The following CSTF3 variants were observed in gnomAD, a reference collection of about 807,000 sequenced individuals.
CSTF3 encodes the protein cleavage stimulation factor subunit 3.
In CSTF3, 29 loss-of-function variants were observed where a neutral mutation model predicts 105.8. That is an observed-to-expected ratio of 0.27 (90% CI 0.20 to 0.37). CSTF3 has a LOEUF of 0.37. Ranked by LOEUF, CSTF3 falls within the 10% of genes least tolerant of loss-of-function variation. The pLI, the probability that CSTF3 is intolerant of heterozygous loss-of-function variation, is 1.00. For synonymous variants in CSTF3, 252 were observed against 281.9 expected (o/e 0.89, Z 1.06); for missense variants, 357 against 879.3 (o/e 0.41, Z 7.51).
At chr11:33,104,082 C>T (rs1163788591) in intron 8 of CSTF3, among the ~76,000 whole-genome samples, 5 of 152,202 alleles carry the variant, frequency 3.3e-5, no homozygotes, top group African/African-American at 1.2e-4. Flanking sequence ...CCACTTCAGC[C>T]TCCCAAAGTG....
chr11:33,115,599 T>TA (rs869048967), intron 3 of CSTF3, among the ~76,000 whole-genome samples: 1 of 11,772 alleles, frequency 8.5e-5, no homozygotes, highest in Non-Finnish European at 1.9e-4. Context: ...GACAAATAAT[T>TA]AAGGCCCTTT....
In CSTF3 at chr11:33,102,348, C is replaced by T. The variant is rs114796342; in HGVS notation, c.664-9G>A. The T allele has an allele frequency of 6.2e-7, 1 of 1,613,244 alleles. No individual in the cohort carries two copies. The highest frequency in any genetic ancestry group is 1.3e-5 in the African/African-American group (1 of 74,900). On this transcript the variant is annotated splice_polypyrimidine_tract_variant and intron_variant, in intron 9 of 20. Transcript: ENST00000323959. ...ATTACTGTCTCATATTCCTAGACAA[C>T]AAGGATTTAGAATTCTTTGGTGAGC...
At chr11:33,125,623 G>A (rs1855535293) in intron 3 of CSTF3, among the ~76,000 whole-genome samples, 1 of 152,166 alleles carries the variant, frequency 6.6e-6, no homozygotes. Context: ...CAGGTAGGAA[G>A]GTGGCATGGA....
At chr11:33,159,295 A>C (rs1054248023) in intron 1 of CSTF3, among the ~76,000 whole-genome samples, 71 of 151,754 alleles carry the variant, frequency 4.7e-4, no homozygotes, top group Non-Finnish European at 2.4e-4. Flanking sequence ...CTGTCTCTAC[A>C]AAAAAAATAC....
chr11:33,120,439 T>C (rs1855475038), intron 3 of CSTF3, among the ~76,000 whole-genome samples: 1 of 151,876 alleles, frequency 6.6e-6, no homozygotes, highest in Admixed American at 6.6e-5. Context: ...AATGTTTTCC[T>C]TTTTGTAACA....
chr11:33,134,545 T>C (rs900296320), intron 3 of CSTF3: 8 of 152,240 alleles, frequency 5.3e-5, no homozygotes, highest in Non-Finnish European at 1.0e-4. Context: ...TGCACTTCTG[T>C]AATACTTAGT....
intron 3 of CSTF3, among the ~76,000 whole-genome samples, chr11:33,112,695 T>C (rs1169392195): frequency 1.3e-5 from 2 of 152,224 alleles, no homozygotes; most frequent in Non-Finnish European, 2.9e-5. Context: ...TAAAAGATTA[T>C]TATCCTATGT....
chr11:33,145,792 T>C (rs1855774578), intron 1 of CSTF3, among the ~76,000 whole-genome samples: 1 of 152,094 alleles, frequency 6.6e-6, no homozygotes, highest in Non-Finnish European at 1.5e-5. Flanking sequence ...CCAGCCTGCA[T>C]GACAGAGCAA....
intron 3 of CSTF3, among the ~76,000 whole-genome samples, chr11:33,124,756 C>G (rs1283327443): frequency 5.9e-5 from 9 of 152,150 alleles, no homozygotes; most frequent in Admixed American, 5.9e-4. Flanking sequence ...GCATGCGTAA[C>G]TTCCACAATG....
At chr11:33,154,467 C>T (rs947619568) in intron 1 of CSTF3, among the ~76,000 whole-genome samples, 2 of 146,518 alleles carry the variant, frequency 1.4e-5, no homozygotes, top group East Asian at 2.0e-4. Flanking sequence ...AAAAGTAGAC[C>T]GGAGTAGCAC....
intron 3 of CSTF3, among the ~76,000 whole-genome samples, chr11:33,114,640 C>A (rs1327198559): frequency 6.6e-6 from 1 of 152,058 alleles, no homozygotes; most frequent in East Asian, 1.9e-4. Flanking sequence ...CACCTGAGGT[C>A]CGGAGTTCGA....
At chr11:33,133,998 G>T (rs1324868441) in intron 3 of CSTF3, among the ~76,000 whole-genome samples, 2 of 152,102 alleles carry the variant, frequency 1.3e-5, no homozygotes, top group Non-Finnish European at 2.9e-5. Context: ...TCAACTGTGT[G>T]TATGTATAAG....
chr11:33,112,868 A>G (rs544671662), intron 3 of CSTF3, among the ~76,000 whole-genome samples: 1 of 152,278 alleles, frequency 6.6e-6, no homozygotes, highest in South Asian at 2.1e-4. Flanking sequence ...CCATTAATCA[A>G]TAGAAAATGT....
chr11:33,096,993 G>A lies in CSTF3; in HGVS notation c.1129-15C>T. ...TGGATATATACCTATGCAAAAGAAA[G>A]TATTTGTGTTCTATAAATTAGACAG... On this transcript the variant is annotated splice_polypyrimidine_tract_variant and intron_variant, in intron 13 of 20. Coordinates refer to ENST00000323959, the MANE Select transcript of CSTF3 (RefSeq NM_001326.3). The A allele has an allele frequency of 6.3e-7, 1 of 1,578,056 alleles. No individual in the cohort carries two copies. The highest frequency in any genetic ancestry group is 8.7e-7 in the Non-Finnish European group (1 of 1,154,352).
intron 3 of CSTF3, among the ~76,000 whole-genome samples, chr11:33,123,269 T>G (rs994134461): frequency 6.6e-6 from 1 of 151,688 alleles, no homozygotes; most frequent in African/African-American, 2.4e-5. Context: ...GAAAATATGC[T>G]CAATCTCATT....
intron 3 of CSTF3, chr11:33,134,445 C>T (rs913471300): frequency 1.3e-5 from 2 of 152,050 alleles, no homozygotes. Context: ...ATAGCCAAAA[C>T]CAAAGGAAAT....
intron 3 of CSTF3, among the ~76,000 whole-genome samples, chr11:33,113,206 A>AAAATAAATAAATAAATAAAT (rs61101354): frequency 6.8e-6 from 1 of 147,156 alleles, no homozygotes; most frequent in Non-Finnish European, 1.5e-5. Flanking sequence ...ACTTTGTCTC[A>AAAATAAATAAATAAATAAAT]AAATAAATAA....
intron 1 of CSTF3, among the ~76,000 whole-genome samples, chr11:33,160,906 G>A (rs960182609): frequency 3.3e-5 from 5 of 152,090 alleles, no homozygotes; most frequent in Non-Finnish European, 7.4e-5. Flanking sequence ...ACCTATTTCT[G>A]GGTACAGTAT....
chr11:33,103,057 A>C, intron 9 of CSTF3, 50 bp downstream of exon 9: 1 of 1,202,148 alleles, frequency 8.3e-7, no homozygotes, highest in African/African-American at 1.6e-5. Context: ...GCTCTGCTGT[A>C]AACAACAGAC....
Sources: allele counts gnomAD v4.1 joint callset (sites outside exome capture counted in the v4.1 genomes callset), GRCh38; gene constraint gnomAD v4.1.1; transcripts MANE v1.5; gene names NCBI Gene and HGNC (gene_info 2026-07-23, HGNC 2026-07-21).